Variants in PVT1 observed in about 807,000 individuals in gnomAD.
PVT1 encodes Pvt1 oncogene.
chr8:127,858,447 T>TA (rs1270213133), intron 2 of PVT1, among the ~76,000 whole-genome samples: 1 of 151,378 alleles, frequency 6.6e-6, no homozygotes, highest in Admixed American at 6.6e-5. Context: ...AATAAATAAA[T>TA]AAAAGATGGT....
chr8:127,856,160 T>C (rs1361106485), intron 2 of PVT1, among the ~76,000 whole-genome samples: 1 of 152,084 alleles, frequency 6.6e-6, no homozygotes, highest in Non-Finnish European at 1.5e-5. Flanking sequence ...CTCTACCCAA[T>C]GTGTAGACGA....
chr8:127,969,935 G>A (rs548270812), intron 3 of PVT1, among the ~76,000 whole-genome samples: 18 of 152,188 alleles, frequency 1.2e-4, no homozygotes, highest in African/African-American at 4.3e-4. Flanking sequence ...CAGTCTGGGC[G>A]ATATTCTTTG....
chr8:127,965,377 C>T (rs1452596565), intron 3 of PVT1, among the ~76,000 whole-genome samples: 3 of 152,148 alleles, frequency 2.0e-5, no homozygotes, highest in East Asian at 1.9e-4. Flanking sequence ...CCTCAGGCTC[C>T]CCCTACCCCT....
intron 4 of PVT1, among the ~76,000 whole-genome samples, chr8:128,055,428 A>G (rs1179744613): frequency 6.6e-6 from 1 of 152,184 alleles, no homozygotes; most frequent in Non-Finnish European, 1.5e-5. Context: ...CTCCTACATT[A>G]ATGCCAATAA....
intron 4 of PVT1, among the ~76,000 whole-genome samples, chr8:128,048,112 C>T: frequency 6.6e-6 from 1 of 152,212 alleles, no homozygotes; most frequent in East Asian, 1.9e-4. Flanking sequence ...ACACTTAACA[C>T]ACTCTGTGGC....
chr8:127,859,087 C>G (rs780195825), intron 2 of PVT1, among the ~76,000 whole-genome samples: 6 of 152,060 alleles, frequency 3.9e-5, no homozygotes, highest in Non-Finnish European at 5.9e-5. Flanking sequence ...GGATTACCAG[C>G]ATAAGCCACC....
intron 3 of PVT1, among the ~76,000 whole-genome samples, chr8:127,977,332 C>T (rs1264848602): frequency 6.6e-6 from 1 of 152,100 alleles, no homozygotes; most frequent in African/African-American, 2.4e-5. Flanking sequence ...GTGGGTTCTG[C>T]CCCTGAAGCT....
intron 2 of PVT1, among the ~76,000 whole-genome samples, chr8:127,875,564 T>G (rs1472452275): frequency 6.6e-6 from 1 of 152,194 alleles, no homozygotes; most frequent in African/African-American, 2.4e-5. Flanking sequence ...TTATTTTCCT[T>G]GTTTTCTTTT....
chr8:127,906,496 G>A (rs955003890), intron 3 of PVT1, among the ~76,000 whole-genome samples: 1 of 152,154 alleles, frequency 6.6e-6, no homozygotes, highest in African/African-American at 2.4e-5. Flanking sequence ...GAGAAACTGG[G>A]GGTAGTTCAG....
chr8:127,870,128 T>C (rs994159326), intron 2 of PVT1, among the ~76,000 whole-genome samples: 1 of 152,120 alleles, frequency 6.6e-6, no homozygotes, highest in Non-Finnish European at 1.5e-5. Flanking sequence ...TTAGATGTCA[T>C]TACTTAAGAT....
intron 6 of PVT1, among the ~76,000 whole-genome samples, chr8:128,097,833 A>G (rs1380831378): frequency 2.0e-5 from 3 of 151,460 alleles, no homozygotes; most frequent in Non-Finnish European, 2.9e-5. Context: ...TCAGACAAGA[A>G]CTCCCCTCTT....
chr8:127,874,902 AG>A (rs35986624), intron 2 of PVT1, among the ~76,000 whole-genome samples: 1 of 133,678 alleles, frequency 7.5e-6, no homozygotes, highest in Non-Finnish European at 1.5e-5. Flanking sequence ...GTTGGCCTCC[AG>A]GTGTGTGTGT....
chr8:127,866,121 T>C (rs948746258), intron 2 of PVT1, among the ~76,000 whole-genome samples: 2 of 152,160 alleles, frequency 1.3e-5, no homozygotes, highest in African/African-American at 4.8e-5. Context: ...CCCTGCTGTT[T>C]AAATTGTTGG....
chr8:127,990,060 C>G (rs771391036), intron 4 of PVT1, among the ~76,000 whole-genome samples: 2 of 152,162 alleles, frequency 1.3e-5, no homozygotes, highest in Non-Finnish European at 2.9e-5. Context: ...ATTTAGAATT[C>G]CTTCCATGTA....
chr8:128,048,978 A>G (rs919374671), intron 4 of PVT1, among the ~76,000 whole-genome samples: 3 of 152,202 alleles, frequency 2.0e-5, no homozygotes, highest in Admixed American at 2.0e-4. Flanking sequence ...AAGCAAATAA[A>G]TTACCCTTCT....
Position 127,964,000 on chromosome 8 carries a change from A to G in PVT1, n.783-25162A>G, listed in dbSNP as rs565034017. On this transcript the variant is annotated intron_variant and non_coding_transcript_variant, in intron 3 of 10. Coordinates refer to ENST00000651587, the Ensembl canonical transcript of PVT1. ...TGAATGTCGAGTGGAGAATGGCTGA[A>G]TTTGCACTGTGAGGGAACTCACAGC... 1.7e-4 allele frequency among the ~76,000 whole-genome samples: 26 copies of G among 152,300 alleles called. No individual in the cohort carries two copies. In the East Asian group the frequency reaches 4.8e-3, roughly 28 times the overall value.
rs75082286 is a variant in PVT1, at chr8:128,007,276, T to C, written n.912+17985T>C. On this transcript the variant is annotated intron_variant and non_coding_transcript_variant, in intron 4 of 10. Transcript: ENST00000651587. ...TGTATTAAATTGCTAGATTGGGCAA[T>C]AGTATTGTACTAAAGTTAATTTCCT... Among the ~76,000 whole-genome samples, 1,140 of 152,334 alleles carry C rather than the reference T, an allele frequency of 7.5e-3. 20 individuals carry two copies. Among genetic ancestry groups the C allele is most frequent in the African/African-American group, 0.024 (1,018 of 41,574 alleles).
intron 2 of PVT1, among the ~76,000 whole-genome samples, chr8:127,830,708 C>A (rs1219983896): frequency 6.6e-6 from 1 of 151,876 alleles, no homozygotes; most frequent in Non-Finnish European, 1.5e-5. Context: ...GTGTTGTTTC[C>A]AGGTGTGTCT....
At chr8:127,966,505 A>G (rs1816704199) in intron 3 of PVT1, among the ~76,000 whole-genome samples, 1 of 152,218 alleles carries the variant, frequency 6.6e-6, no homozygotes, top group Admixed American at 6.5e-5. Context: ...CTGGGGCACA[A>G]GATGGGGGAT....
Sources: allele counts gnomAD v4.1 joint callset (sites outside exome capture counted in the v4.1 genomes callset), GRCh38; gene constraint gnomAD v4.1.1; transcripts MANE v1.5; gene names NCBI Gene and HGNC (gene_info 2026-07-23, HGNC 2026-07-21).